FRAS1: variants seen among roughly 807,000 people sequenced by gnomAD.
FRAS1 encodes Fraser extracellular matrix complex subunit 1, also known as extracellular matrix organizing protein FRAS1.
FRAS1 carries 290 observed loss-of-function variants against 435.2 expected under a neutral mutation model. The observed-to-expected ratio is 0.67, with a 90% confidence interval of 0.61 to 0.73. The LOEUF (loss-of-function observed/expected upper bound fraction) is 0.73. Ranked by LOEUF, FRAS1 falls within the 30% of genes least tolerant of loss-of-function variation. The pLI is 0.00. For synonymous variants in FRAS1, 1,800 were observed against 1,851.0 expected, an observed-to-expected ratio of 0.97 and a Z score of 0.71; for missense variants, 4,860 against 5,001.5, an observed-to-expected ratio of 0.97 and a Z score of 0.85.
intron 68 of FRAS1, among the ~76,000 whole-genome samples, chr4:78,522,065 TTG>T: frequency 6.6e-6 from 1 of 152,358 alleles, no homozygotes; most frequent in South Asian, 2.1e-4. Flanking sequence ...TACATTTTGA[TTG>T]TTATATTGCT....
intron 2 of FRAS1, among the ~76,000 whole-genome samples, chr4:78,136,780 T>C (rs374374410): frequency 6.6e-5 from 10 of 152,332 alleles, no homozygotes; most frequent in African/African-American, 2.4e-4. Context: ...CAGGACTTCT[T>C]AGAGCTGCTG....
At chr4:78,175,245 A>T (rs1721717321) in intron 2 of FRAS1, among the ~76,000 whole-genome samples, 2 of 152,288 alleles carry the variant, frequency 1.3e-5, no homozygotes, top group South Asian at 4.1e-4. Flanking sequence ...ATTAATTAAC[A>T]CATTTTCTAA....
intron 2 of FRAS1, among the ~76,000 whole-genome samples, chr4:78,168,637 G>A (rs958122864): frequency 1.6e-4 from 24 of 151,950 alleles, no homozygotes; most frequent in Admixed American, 3.9e-4. Context: ...GTTTTCTAGT[G>A]GGGATAATTT....
At chr4:78,264,785 T>G in intron 6 of FRAS1, 1 of 568,794 alleles carries the variant, frequency 1.8e-6, no homozygotes, top group Non-Finnish European at 3.2e-6. Flanking sequence ...ATTTGTGCTT[T>G]TCTTTGTTTT....
At chr4:78,405,108 T>C (rs1349337411) in intron 30 of FRAS1, among the ~76,000 whole-genome samples, 1 of 152,188 alleles carries the variant, frequency 6.6e-6, no homozygotes, top group Non-Finnish European at 1.5e-5. Flanking sequence ...GATTAGCAAA[T>C]ATCTTACGAT....
At chr4:78,498,510 GAAAAAAA>G (rs72239803) in intron 60 of FRAS1, among the ~76,000 whole-genome samples, 1 of 131,036 alleles carries the variant, frequency 7.6e-6, no homozygotes, top group African/African-American at 2.8e-5. Context: ...CTGTCTCAAA[GAAAAAAA>G]AAAAAAAAGA....
intron 2 of FRAS1, among the ~76,000 whole-genome samples, chr4:78,140,422 G>C (rs2109996372): frequency 6.6e-6 from 1 of 152,180 alleles, no homozygotes; most frequent in South Asian, 2.1e-4. Flanking sequence ...ATGTGAACTG[G>C]ATTAGTTTTC....
chr4:78,125,431 AGTGC>A (rs1317699278), intron 2 of FRAS1, among the ~76,000 whole-genome samples: 2 of 152,182 alleles, frequency 1.3e-5, no homozygotes, highest in Admixed American at 1.3e-4. Flanking sequence ...TTTTAGAATA[AGTGC>A]AGTGTGGTGC....
At chr4:78,345,292 T>C (rs1273918429) in intron 20 of FRAS1, among the ~76,000 whole-genome samples, 1 of 152,216 alleles carries the variant, frequency 6.6e-6, no homozygotes. Context: ...ATTCCCATTT[T>C]GTTGACTGGT....
chr4:78,114,315 C>CT (rs960158539), intron 2 of FRAS1, among the ~76,000 whole-genome samples: 1 of 151,992 alleles, frequency 6.6e-6, no homozygotes, highest in African/African-American at 2.4e-5. Context: ...AATGCAGGCT[C>CT]TTTTTTTGGT....
chr4:78,087,269 G>A (rs1234661282), intron 2 of FRAS1, among the ~76,000 whole-genome samples: 26 of 151,616 alleles, frequency 1.7e-4, no homozygotes, highest in Middle Eastern at 3.4e-3. Flanking sequence ...TTGATGGAGC[G>A]TATCTCAAAA....
At chr4:78,063,428 G>A (rs1739848263) in intron 1 of FRAS1, among the ~76,000 whole-genome samples, 1 of 152,190 alleles carries the variant, frequency 6.6e-6, no homozygotes, top group African/African-American at 2.4e-5. Flanking sequence ...TCATGCAGCT[G>A]CCTTCCAGGT....
At chr4:78,066,095 A>T (rs916404277) in intron 2 of FRAS1, 79 bp downstream of exon 2, 1 of 947,136 alleles carries the variant, frequency 1.1e-6, no homozygotes, top group African/African-American at 1.6e-5. Context: ...GAGTGAGTTG[A>T]CCCTATCATT....
At chr4:78,311,859 G>T (rs1729038630) in intron 15 of FRAS1, among the ~76,000 whole-genome samples, 1 of 152,090 alleles carries the variant, frequency 6.6e-6, no homozygotes, top group African/African-American at 2.4e-5. Flanking sequence ...CTATTCTATA[G>T]ATTTCTTTTT....
At chr4:78,229,888 T>C (rs1366101974) in intron 2 of FRAS1, among the ~76,000 whole-genome samples, 1 of 152,174 alleles carries the variant, frequency 6.6e-6, no homozygotes, top group Non-Finnish European at 1.5e-5. Flanking sequence ...CATGAGTATG[T>C]GGAGGACCTG....
intron 2 of FRAS1, among the ~76,000 whole-genome samples, chr4:78,089,664 C>G (rs980620806): frequency 7.1e-5 from 10 of 141,274 alleles, no homozygotes; most frequent in East Asian, 2.2e-4. Flanking sequence ...ATAAAAGTAG[C>G]CAATTGCTCA....
intron 50 of FRAS1, among the ~76,000 whole-genome samples, chr4:78,469,417 A>G (rs983949736): frequency 6.6e-6 from 1 of 152,110 alleles, no homozygotes; most frequent in African/African-American, 2.4e-5. Context: ...TTTATTTCTG[A>G]TTTCTTCTGC....
At chr4:78,459,398 A>G (rs910642161) in intron 47 of FRAS1, among the ~76,000 whole-genome samples, 1 of 152,228 alleles carries the variant, frequency 6.6e-6, no homozygotes, top group African/African-American at 2.4e-5. Flanking sequence ...TGGTACACAC[A>G]TAATTCACAC....
At chr4:78,316,335 A>G (rs1729244430) in intron 16 of FRAS1, among the ~76,000 whole-genome samples, 1 of 152,150 alleles carries the variant, frequency 6.6e-6, no homozygotes, top group Non-Finnish European at 1.5e-5. Context: ...TGCCTGGGAC[A>G]TCTTGATCTC....
Sources: gnomAD v4.1 joint callset for allele counts (sites outside exome capture counted in the v4.1 genomes callset) on GRCh38, gnomAD v4.1.1 for gene constraint, MANE v1.5 for transcripts, NCBI Gene and HGNC (gene_info 2026-07-23, HGNC 2026-07-21) for gene names.